The following MYLK variants were observed in gnomAD, a reference collection of about 807,000 sequenced individuals.
The protein encoded by MYLK is myosin light chain kinase.
Under a neutral mutation model 203.4 loss-of-function variants are expected in MYLK, and 106 were observed. The observed-to-expected ratio is 0.52, with a 90% confidence interval of 0.45 to 0.61. The LOEUF (loss-of-function observed/expected upper bound fraction) is 0.61, where lower values mean the gene tolerates loss of function less well. MYLK is among the 20% of genes least tolerant of loss of function. The pLI is 0.00. For synonymous variants in MYLK, 867 were observed against 959.5 expected (o/e 0.90, Z 1.78); for missense variants, 2,072 against 2,442.3 (o/e 0.85, Z 3.20).
chr3:123,631,396 C>CA (rs34937543), intron 29 of MYLK, among the ~76,000 whole-genome samples: 240 of 117,876 alleles, frequency 2.0e-3, no homozygotes, highest in Middle Eastern at 0.015. Flanking sequence ...AACTCAATCT[C>CA]AAAAAAAAAA....
At chr3:123,875,062 A>G (rs2033061344) in intron 2 of MYLK, among the ~76,000 whole-genome samples, 1 of 152,198 alleles carries the variant, frequency 6.6e-6, no homozygotes. Context: ...CACTTTGGAA[A>G]ACAGTTTGGT....
chr3:123,875,257 G>A (rs1308410047), intron 2 of MYLK, among the ~76,000 whole-genome samples: 2 of 152,152 alleles, frequency 1.3e-5, no homozygotes, highest in Non-Finnish European at 2.9e-5. Context: ...ACGGTGATAC[G>A]TCTTTACAAT....
rs937161361 is a variant in MYLK, at chr3:123,717,994, T to C, written c.1804+4134A>G. ...CTCCTGCCTCAGCCTCCTGAGTAGC[T>C]GGGACTAGAGGCATGGGCCACCACT... On this transcript the variant is annotated intron_variant, in intron 13 of 33. Transcript: ENST00000360304. Among the ~76,000 whole-genome samples the C allele has an allele frequency of 1.1e-4, 16 of 152,212 alleles. 1 individual carries two copies. Among genetic ancestry groups the C allele is most frequent in the Non-Finnish European group, 1.9e-4 (13 of 68,002 alleles).
At chr3:123,808,129 C>G (rs2065435212) in intron 3 of MYLK, among the ~76,000 whole-genome samples, 1 of 152,226 alleles carries the variant, frequency 6.6e-6, no homozygotes, top group Non-Finnish European at 1.5e-5. Context: ...CTTCCTCCAG[C>G]CTCCTTCACC....
At chr3:123,850,507 T>A (rs551668576) in intron 2 of MYLK, among the ~76,000 whole-genome samples, 159 of 152,356 alleles carry the variant, frequency 1.0e-3, no homozygotes, top group African/African-American at 3.6e-3. Flanking sequence ...ATGATGAGCA[T>A]TTTTTCATTT....
intron 4 of MYLK, among the ~76,000 whole-genome samples, chr3:123,777,326 G>A (rs889352601): frequency 2.0e-5 from 3 of 152,188 alleles, no homozygotes; most frequent in South Asian, 2.1e-4. Flanking sequence ...TCCTGGCTAC[G>A]AAATCTGTGC....
intron 2 of MYLK, among the ~76,000 whole-genome samples, chr3:123,863,140 G>C (rs981130487): frequency 6.6e-6 from 1 of 152,098 alleles, no homozygotes; most frequent in Admixed American, 6.6e-5. Context: ...TAACAAAAAG[G>C]AAGGTGTTTT....
rs1478149470 is a variant in MYLK at position 123,752,324 on chromosome 3, G to A, written c.373+7C>T. 2 of 1,613,664 alleles carry A rather than the reference G, an allele frequency of 1.2e-6. No homozygotes were observed. Among genetic ancestry groups the A allele is most frequent in the African/African-American group, 2.7e-5 (2 of 74,906 alleles). ...TCCCTCCTGGACTCGGGCCTCCTGG[G>A]ACTCACCTTCTACTGTCAACTCCAC... is the stretch of plus-strand genomic sequence containing the variant. On this transcript the variant is annotated splice_region_variant and intron_variant, in intron 5 of 33. Transcript: ENST00000360304.
intron 3 of MYLK, among the ~76,000 whole-genome samples, chr3:123,817,360 G>A (rs2065783574): frequency 6.6e-6 from 1 of 152,178 alleles, no homozygotes; most frequent in Non-Finnish European, 1.5e-5. Flanking sequence ...CTAGCAGAGT[G>A]GAACATATAC....
chr3:123,817,516 C>G (rs533245647), intron 3 of MYLK, among the ~76,000 whole-genome samples: 1 of 152,292 alleles, frequency 6.6e-6, no homozygotes, highest in South Asian at 2.1e-4. Flanking sequence ...TGTCAGGGGG[C>G]CGTAGCAAGG....
chr3:123,774,098 C>T (rs1343600009), intron 4 of MYLK, among the ~76,000 whole-genome samples: 1 of 152,212 alleles, frequency 6.6e-6, no homozygotes, highest in Non-Finnish European at 1.5e-5. Flanking sequence ...CCAACCTTCT[C>T]CCCAGCTGTT....
intron 29 of MYLK, among the ~76,000 whole-genome samples, chr3:123,634,017 C>T (rs764793268): frequency 2.0e-4 from 30 of 152,066 alleles, no homozygotes; most frequent in Non-Finnish European, 3.4e-4. Flanking sequence ...ACAGATGCCC[C>T]GACTGTACCA....
chr3:123,621,827 G>A (rs2057875883), intron 31 of MYLK: 1 of 152,446 alleles, frequency 6.6e-6, no homozygotes, highest in African/African-American at 2.4e-5. Context: ...CAGTGAGGCT[G>A]GGTCGCTGAA....
chr3:123,852,862 T>C (rs2030973061), intron 2 of MYLK, among the ~76,000 whole-genome samples: 1 of 152,158 alleles, frequency 6.6e-6, no homozygotes, highest in Non-Finnish European at 1.5e-5. Flanking sequence ...AGATGGAATA[T>C]AGAAGGTCCA....
chr3:123,658,782 A>G lies in MYLK; in HGVS notation c.3986-1354T>C, dbSNP rs542015559. ...GCAATGGCTGCAAATGACCCTGTGT[A>G]TATGGAGAAGAAAAATCTGCATGTA... On this transcript the variant is annotated intron_variant, in intron 23 of 33. Coordinates refer to ENST00000360304, the MANE Select transcript of MYLK (RefSeq NM_053025.4). Among the ~76,000 whole-genome samples, 38 of 152,376 alleles carry G rather than the reference A, an allele frequency of 2.5e-4. No individual in the cohort carries two copies. In the South Asian group the frequency reaches 7.9e-3, roughly 32 times the overall value.
chr3:123,694,705 G>A (rs747212286), intron 18 of MYLK, among the ~76,000 whole-genome samples: 1 of 152,236 alleles, frequency 6.6e-6, no homozygotes. Context: ...GAGTAGAGGG[G>A]CATGTGGACC....
At chr3:123,883,362 C>G (rs2033663243) in intron 1 of MYLK, among the ~76,000 whole-genome samples, 1 of 152,154 alleles carries the variant, frequency 6.6e-6, no homozygotes, top group African/African-American at 2.4e-5. Context: ...TTTACTCCCT[C>G]TAGACTCTAG....
intron 19 of MYLK, among the ~76,000 whole-genome samples, chr3:123,684,481 A>AGG (rs2060379809): frequency 6.6e-6 from 1 of 152,152 alleles, no homozygotes; most frequent in Non-Finnish European, 1.5e-5. Flanking sequence ...CCTTCCTTGA[A>AGG]GACCAGCATT....
chr3:123,845,649 C>G (rs889114065), intron 2 of MYLK, among the ~76,000 whole-genome samples: 1 of 152,084 alleles, frequency 6.6e-6, no homozygotes, highest in Non-Finnish European at 1.5e-5. Flanking sequence ...CACCACCATG[C>G]CCAGCTATAT....
Sources: gnomAD v4.1 joint callset for allele counts (sites outside exome capture counted in the v4.1 genomes callset) on GRCh38, gnomAD v4.1.1 for gene constraint, MANE v1.5 for transcripts, NCBI Gene and HGNC (gene_info 2026-07-23, HGNC 2026-07-21) for gene names.